The following GALNT13 variants were observed in gnomAD, a reference collection of about 807,000 sequenced individuals.
The protein encoded by GALNT13 is UDP-GalNAc:polypeptide N-acetylgalactosaminyltransferase 13.
A neutral mutation model predicts 64.2 loss-of-function variants in GALNT13; 28 were observed. The observed-to-expected ratio is 0.44, with a 90% CI of 0.32 to 0.60. The LOEUF (loss-of-function observed/expected upper bound fraction) is 0.60, where lower values mean the gene tolerates loss of function less well. GALNT13 is among the 20% of genes least tolerant of loss of function. The probability of loss-of-function intolerance (pLI) is 0.05; values close to 1 mark genes in which losing one functional copy is unlikely to be tolerated. For synonymous variants in GALNT13, 214 were observed against 224.6 expected (o/e 0.95, Z 0.42); for missense variants, 577 against 669.8 (o/e 0.86, Z 1.53).
rs113189787 is a variant in GALNT13 at position 154,310,014 on chromosome 2, T to C, written c.1156+8425T>C. 6.7e-3 allele frequency among the ~76,000 whole-genome samples: 1,025 copies of C among 152,280 alleles called. 10 individuals carry two copies. The highest frequency in any genetic ancestry group is 0.024 in the African/African-American group (981 of 41,552). ...GCCACGTGGAACTACATTCATTGGG[T>C]CTCCAAGCTTAACATGCTCCCTTTT... On this transcript the variant is annotated intron_variant, in intron 9 of 12. Coordinates refer to ENST00000392825, the MANE Select transcript of GALNT13 (RefSeq NM_052917.4).
the GALNT13 span, among the ~76,000 whole-genome samples, chr2:153,336,173 T>C: frequency 6.6e-6 from 1 of 152,294 alleles, no homozygotes; most frequent in East Asian, 1.9e-4. Flanking sequence ...GCTAGGACAG[T>C]GCAGAAGGGA....
chr2:153,368,303 G>A, the GALNT13 span, among the ~76,000 whole-genome samples: 1 of 152,130 alleles, frequency 6.6e-6, no homozygotes. Flanking sequence ...AAGAAGAGGA[G>A]GAGGCACCTG....
the GALNT13 span, among the ~76,000 whole-genome samples, chr2:153,526,884 G>GA: frequency 3.3e-5 from 5 of 152,090 alleles, no homozygotes; most frequent in Admixed American, 3.3e-4. Flanking sequence ...TTCTGGAGCT[G>GA]AAAAAATGCA....
chr2:153,522,346 T>C, the GALNT13 span, among the ~76,000 whole-genome samples: 2 of 150,728 alleles, frequency 1.3e-5, no homozygotes, highest in East Asian at 2.0e-4. Flanking sequence ...GAGAAAAAAA[T>C]AAAGAGAGAG....
chr2:153,346,893 T>A, the GALNT13 span, among the ~76,000 whole-genome samples: 2 of 152,206 alleles, frequency 1.3e-5, no homozygotes, highest in African/African-American at 4.8e-5. Context: ...GAACTGAGGC[T>A]TATAAATATT....
At chr2:153,622,300 A>G in the GALNT13 span, among the ~76,000 whole-genome samples, 1 of 152,172 alleles carries the variant, frequency 6.6e-6, no homozygotes, top group African/African-American at 2.4e-5. Context: ...TTTTATTTAC[A>G]AAGATCTTAA....
intron 9 of GALNT13, among the ~76,000 whole-genome samples, chr2:154,310,977 C>CTT (rs1172428535): frequency 1.3e-4 from 20 of 151,698 alleles, no homozygotes; most frequent in Admixed American, 4.6e-4. Flanking sequence ...AATATATATT[C>CTT]ATAGAATATT....
chr2:153,708,489 C>G, the GALNT13 span, among the ~76,000 whole-genome samples: 1 of 152,018 alleles, frequency 6.6e-6, no homozygotes, highest in East Asian at 1.9e-4. Flanking sequence ...ATCTCAAAAC[C>G]TATCATGGCA....
intron 4 of GALNT13, among the ~76,000 whole-genome samples, chr2:154,233,238 T>A (rs1459621841): frequency 6.6e-6 from 1 of 152,098 alleles, no homozygotes; most frequent in Non-Finnish European, 1.5e-5. Context: ...AAGGTGGATA[T>A]TTGTAGACAT....
chr2:154,329,246 C>G (rs1695039253), intron 9 of GALNT13, among the ~76,000 whole-genome samples: 1 of 152,084 alleles, frequency 6.6e-6, no homozygotes, highest in African/African-American at 2.4e-5. Flanking sequence ...GTTGGGACTA[C>G]AGGTGCTTGC....
the GALNT13 span, among the ~76,000 whole-genome samples, chr2:153,646,715 T>C: frequency 6.6e-6 from 1 of 152,150 alleles, no homozygotes. Flanking sequence ...ATGCGGTGTT[T>C]GGTTTTTTCG....
At chr2:153,730,584 A>G in the GALNT13 span, among the ~76,000 whole-genome samples, 2 of 152,030 alleles carry the variant, frequency 1.3e-5, no homozygotes, top group African/African-American at 4.8e-5. Context: ...CTTCACAACA[A>G]AAGAAATTAT....
intron 4 of GALNT13, among the ~76,000 whole-genome samples, chr2:154,185,833 C>G (rs1045351075): frequency 6.6e-5 from 10 of 151,972 alleles, no homozygotes; most frequent in Non-Finnish European, 1.0e-4. Context: ...GACTCCATAT[C>G]AAGGTACTTT....
chr2:154,450,655 T>C lies in GALNT13; in HGVS notation c.*104T>C, dbSNP rs1226463481. On this transcript the variant is annotated 3_prime_UTR_variant, in exon 13 of 13. Transcript: ENST00000392825. The stretch of plus-strand genomic sequence containing the variant: ...GCTGAATTGAAAGTTTTAAAAATCC[T>C]TTTAGTATTCTAAAACACAATTGTT... 4 of 1,079,518 alleles carry C rather than the reference T, an allele frequency of 3.7e-6. No homozygotes were observed. The highest frequency in any genetic ancestry group is 1.6e-5 in the African/African-American group (1 of 62,436). The allele number at this position is 1,079,518 out of a possible 1,614,324, so 66.9% of individuals were successfully genotyped here. A position where few individuals can be genotyped will look rare whatever the true frequency, so the allele number is the denominator to read the frequency against.
the GALNT13 span, among the ~76,000 whole-genome samples, chr2:153,432,845 C>A: frequency 6.6e-6 from 1 of 152,070 alleles, no homozygotes; most frequent in Admixed American, 6.6e-5. Context: ...TTAAACTTAC[C>A]TCTTAAAGAT....
At chr2:153,629,401 G>A in the GALNT13 span, among the ~76,000 whole-genome samples, 1 of 151,840 alleles carries the variant, frequency 6.6e-6, no homozygotes, top group Admixed American at 6.6e-5. Context: ...GTGGGGAAAG[G>A]ATTCCCTATT....
At chr2:153,607,487 A>T in the GALNT13 span, among the ~76,000 whole-genome samples, 1 of 152,178 alleles carries the variant, frequency 6.6e-6, no homozygotes, top group Admixed American at 6.6e-5. Context: ...AAAGAACTCA[A>T]GTGTCAGTAA....
chr2:153,705,232 T>G, the GALNT13 span, among the ~76,000 whole-genome samples: 9 of 152,146 alleles, frequency 5.9e-5, no homozygotes, highest in Admixed American at 3.9e-4. Context: ...CACTGACTAG[T>G]CTTGAGTAAG....
the GALNT13 span, among the ~76,000 whole-genome samples, chr2:153,102,518 G>A: frequency 6.6e-6 from 1 of 152,092 alleles, no homozygotes; most frequent in Non-Finnish European, 1.5e-5. Context: ...GGAGGAAAAT[G>A]TAATCACCAT....
Sources: allele counts gnomAD v4.1 joint callset (sites outside exome capture counted in the v4.1 genomes callset), GRCh38; gene constraint gnomAD v4.1.1; transcripts MANE v1.5; gene names NCBI Gene and HGNC (gene_info 2026-07-23, HGNC 2026-07-21).